Variants in SLC39A11 observed in about 807,000 individuals in gnomAD.
SLC39A11 encodes the protein zinc transporter ZIP11.
A neutral mutation model predicts 36.1 loss-of-function variants in SLC39A11; 33 were observed. That is an observed-to-expected ratio of 0.91 (90% CI 0.69 to 1.22). The LOEUF (loss-of-function observed/expected upper bound fraction) is 1.22, where lower values mean the gene tolerates loss of function less well. Ranked by LOEUF, SLC39A11 falls within the 50% of genes most tolerant of loss-of-function variation. SLC39A11 has a pLI of 0.00. For missense variants in SLC39A11, 432 were observed against 430.3 expected (o/e 1.00, Z -0.03); for synonymous variants, 166 against 170.3 (o/e 0.97, Z 0.20).
intron 5 of SLC39A11, among the ~76,000 whole-genome samples, chr17:72,894,491 A>T (rs2146787112): frequency 7.6e-6 from 1 of 131,360 alleles, no homozygotes; most frequent in Admixed American, 8.4e-5. Context: ...GTGAAACCTC[A>T]TCCCTACTAA....
At chr17:72,699,433 C>T (rs982726222) in intron 7 of SLC39A11, among the ~76,000 whole-genome samples, 2 of 152,240 alleles carry the variant, frequency 1.3e-5, no homozygotes, top group African/African-American at 2.4e-5. Context: ...CAAAGAGGAG[C>T]GGCCCTGGCT....
intron 4 of SLC39A11, 32 bp downstream of exon 4, chr17:73,031,524 G>T (rs531954194): frequency 4.3e-6 from 7 of 1,612,188 alleles, no homozygotes; most frequent in Non-Finnish European, 5.9e-6. Flanking sequence ...GTTGTATCCC[G>T]ATACGACAGC....
intron 3 of SLC39A11, chr17:73,068,279 T>A: frequency 2.9e-6 from 2 of 680,782 alleles, no homozygotes; most frequent in Non-Finnish European, 5.2e-6. Context: ...GGACTGCGGC[T>A]CCTCCACCAT....
intron 7 of SLC39A11, among the ~76,000 whole-genome samples, chr17:72,701,533 G>C (rs1279751464): frequency 2.0e-5 from 3 of 152,096 alleles, no homozygotes; most frequent in African/African-American, 7.2e-5. Flanking sequence ...TTCGAGACCA[G>C]CCTGGCCAAC....
At chr17:72,674,592 C>T (rs147130577) in intron 7 of SLC39A11, among the ~76,000 whole-genome samples, 4 of 152,228 alleles carry the variant, frequency 2.6e-5, no homozygotes, top group African/African-American at 4.8e-5. Flanking sequence ...AAAGGAAATG[C>T]GTATGTACTT....
intron 3 of SLC39A11, among the ~76,000 whole-genome samples, chr17:73,053,547 A>G (rs2059576668): frequency 1.3e-5 from 2 of 152,196 alleles, no homozygotes; most frequent in Non-Finnish European, 2.9e-5. Context: ...TCATCTGTAC[A>G]GCAATCCTAT....
At chr17:72,949,143 GCTT>G (rs1568004800) in intron 4 of SLC39A11, among the ~76,000 whole-genome samples, 5 of 52,564 alleles carry the variant, frequency 9.5e-5, no homozygotes, top group Admixed American at 3.0e-4. Context: ...ACACTGGGCA[GCTT>G]TTTTTTTTTT....
At chr17:72,691,870 T>C (rs1022173540) in intron 7 of SLC39A11, among the ~76,000 whole-genome samples, 1 of 152,124 alleles carries the variant, frequency 6.6e-6, no homozygotes, top group African/African-American at 2.4e-5. Flanking sequence ...CAGTGCCAAA[T>C]AGGAGGTTTA....
At chr17:72,850,844 C>T (rs892769239) in intron 5 of SLC39A11, among the ~76,000 whole-genome samples, 2 of 152,090 alleles carry the variant, frequency 1.3e-5, no homozygotes, top group Non-Finnish European at 1.5e-5. Flanking sequence ...CTCCCATAGC[C>T]GTACAGAATT....
chr17:72,656,175 A>G (rs2070109419), intron 7 of SLC39A11, among the ~76,000 whole-genome samples: 1 of 152,206 alleles, frequency 6.6e-6, no homozygotes, highest in African/African-American at 2.4e-5. Context: ...TTCAAAAGCC[A>G]CGGGGAAAAT....
intron 5 of SLC39A11, among the ~76,000 whole-genome samples, chr17:72,944,151 G>A (rs1450376963): frequency 6.6e-6 from 1 of 152,092 alleles, no homozygotes; most frequent in African/African-American, 2.4e-5. Context: ...AGACAGATTT[G>A]GGCATTCCCT....
intron 3 of SLC39A11, among the ~76,000 whole-genome samples, chr17:73,060,884 A>C (rs562866610): frequency 4.6e-5 from 7 of 152,196 alleles, no homozygotes; most frequent in Non-Finnish European, 7.3e-5. Context: ...TATTGAATGA[A>C]ATTTCAACAG....
chr17:72,729,435 ATATATATATATATATATATATATT>A (rs1158387079), intron 7 of SLC39A11, among the ~76,000 whole-genome samples: 1 of 2,062 alleles, frequency 4.8e-4, no homozygotes, highest in Non-Finnish European at 9.4e-4. Flanking sequence ...ATATATATAT[ATATATATATATATATATATATATT>A]TTTTTTTTTT....
intron 5 of SLC39A11, among the ~76,000 whole-genome samples, chr17:72,937,536 G>C (rs1036211923): frequency 6.6e-6 from 1 of 152,178 alleles, no homozygotes. Context: ...AGGCAGTAAA[G>C]GCATGATTTG....
chr17:73,056,218 G>C (rs1156994825), intron 3 of SLC39A11, among the ~76,000 whole-genome samples: 1 of 151,966 alleles, frequency 6.6e-6, no homozygotes, highest in African/African-American at 2.4e-5. Flanking sequence ...ACCCAGGCTG[G>C]AGTACAGTGG....
chr17:72,741,409 G>C (rs1176039458), intron 6 of SLC39A11, among the ~76,000 whole-genome samples: 3 of 151,836 alleles, frequency 2.0e-5, no homozygotes, highest in Non-Finnish European at 2.9e-5. Context: ...TGTGTTTGTG[G>C]GTATAATTTT....
intron 6 of SLC39A11, among the ~76,000 whole-genome samples, chr17:72,817,671 A>G (rs1289770337): frequency 1.3e-5 from 2 of 152,158 alleles, no homozygotes; most frequent in African/African-American, 2.4e-5. Context: ...AATTGTGAAA[A>G]ATGTATTCCT....
intron 7 of SLC39A11, among the ~76,000 whole-genome samples, 185 bp downstream of exon 7, chr17:72,736,465 C>T (rs2074434507): frequency 6.6e-6 from 1 of 152,192 alleles, no homozygotes; most frequent in Admixed American, 6.5e-5. Flanking sequence ...TGAAAGACTC[C>T]TCTCTTAGGA....
chr17:72,816,343 T>G (rs193233011), intron 6 of SLC39A11, among the ~76,000 whole-genome samples: 64 of 152,200 alleles, frequency 4.2e-4, no homozygotes, highest in Admixed American at 7.9e-4. Context: ...GTTTTTCTAA[T>G]CTCTTTGCTG....
Sources: gnomAD v4.1 joint callset for allele counts (sites outside exome capture counted in the v4.1 genomes callset) on GRCh38, gnomAD v4.1.1 for gene constraint, MANE v1.5 for transcripts, NCBI Gene and HGNC (gene_info 2026-07-23, HGNC 2026-07-21) for gene names.